Variants in NKAIN3 observed in about 807,000 individuals in gnomAD.
NKAIN3 encodes the protein sodium/potassium transporting ATPase interacting 3.
A neutral mutation model predicts 30.2 loss-of-function variants in NKAIN3; 25 were observed. That is an observed-to-expected ratio of 0.83 (90% CI 0.60 to 1.16). NKAIN3 has a LOEUF of 1.16. Ranked by LOEUF, NKAIN3 falls within the 50% of genes most tolerant of loss-of-function variation. NKAIN3 has a pLI of 0.00. For synonymous variants in NKAIN3, 91 were observed against 89.6 expected (o/e 1.02, Z -0.09); for missense variants, 225 against 254.1 (o/e 0.89, Z 0.78).
intron 3 of NKAIN3, among the ~76,000 whole-genome samples, chr8:62,709,890 G>T (rs1232065857): frequency 6.6e-6 from 1 of 151,982 alleles, no homozygotes; most frequent in Admixed American, 6.6e-5. Context: ...CACCGCCTTT[G>T]CTGTATTCCA....
intron 3 of NKAIN3, among the ~76,000 whole-genome samples, chr8:62,669,737 G>A (rs1029441802): frequency 1.3e-5 from 2 of 152,068 alleles, no homozygotes; most frequent in African/African-American, 4.8e-5. Flanking sequence ...GGCATGGTGA[G>A]GGCTGTGTTG....
chr8:62,863,958 T>C, intron 4 of NKAIN3: 2 of 860,326 alleles, frequency 2.3e-6, no homozygotes, highest in South Asian at 2.7e-5. Context: ...GCGGTGGTGG[T>C]GGTGGAGGTG....
At chr8:62,790,701 A>C (rs1328300703) in intron 4 of NKAIN3, among the ~76,000 whole-genome samples, 1 of 145,218 alleles carries the variant, frequency 6.9e-6, no homozygotes, top group African/African-American at 2.6e-5. Flanking sequence ...GGGGATACAC[A>C]GAAAACAAAA....
chr8:62,989,962 T>C (rs1397297318), intron 5 of NKAIN3, among the ~76,000 whole-genome samples: 1 of 152,152 alleles, frequency 6.6e-6, no homozygotes, highest in Non-Finnish European at 1.5e-5. Flanking sequence ...GCCATAAGGT[T>C]ATCATTCCCT....
At chr8:62,833,223 C>A (rs566253998) in intron 4 of NKAIN3, among the ~76,000 whole-genome samples, 1 of 151,952 alleles carries the variant, frequency 6.6e-6, no homozygotes, top group African/African-American at 2.4e-5. Context: ...GTGCAAAAAA[C>A]CTACATCAAG....
At chr8:62,569,095 T>C (rs1809844694) in intron 1 of NKAIN3, among the ~76,000 whole-genome samples, 1 of 152,108 alleles carries the variant, frequency 6.6e-6, no homozygotes, top group African/African-American at 2.4e-5. Flanking sequence ...GCATTACAAA[T>C]ATAGAATTCC....
intron 1 of NKAIN3, among the ~76,000 whole-genome samples, chr8:62,332,937 C>T (rs998916375): frequency 1.3e-5 from 2 of 152,100 alleles, no homozygotes; most frequent in South Asian, 2.1e-4. Flanking sequence ...GAGGTTGCGG[C>T]GACAGTGAGT....
intron 5 of NKAIN3, among the ~76,000 whole-genome samples, chr8:62,923,693 C>T (rs193095500): frequency 2.3e-3 from 344 of 152,218 alleles, no homozygotes; most frequent in Non-Finnish European, 3.7e-3. Context: ...CAGAGTAAGG[C>T]AGGCATTTAG....
chr8:62,838,329 TAC>T (rs1173916914), intron 4 of NKAIN3, among the ~76,000 whole-genome samples: 2 of 151,672 alleles, frequency 1.3e-5, no homozygotes, highest in Admixed American at 6.6e-5. Context: ...CATATATATA[TAC>T]ACACACACAT....
At chr8:62,513,881 A>C (rs966943055) in intron 1 of NKAIN3, among the ~76,000 whole-genome samples, 10 of 149,084 alleles carry the variant, frequency 6.7e-5, no homozygotes, top group Non-Finnish European at 1.3e-4. Flanking sequence ...AAAAAAAAAA[A>C]AAAAGCATAA....
chr8:62,663,555 A>C (rs559981415), intron 3 of NKAIN3, among the ~76,000 whole-genome samples: 1 of 152,152 alleles, frequency 6.6e-6, no homozygotes, highest in Non-Finnish European at 1.5e-5. Context: ...ATTATGAGAC[A>C]ATCTACTACA....
At chr8:62,646,545 TG>T (rs1200718495) in intron 3 of NKAIN3, among the ~76,000 whole-genome samples, 1 of 152,204 alleles carries the variant, frequency 6.6e-6, no homozygotes, top group Admixed American at 6.5e-5. Context: ...TTAATTCTTA[TG>T]TTTCTAATGT....
chr8:62,888,033 G>A (rs1185154008), intron 4 of NKAIN3, among the ~76,000 whole-genome samples: 1 of 152,168 alleles, frequency 6.6e-6, no homozygotes. Flanking sequence ...GGTGTAGGGG[G>A]AAGTGATGCA....
intron 1 of NKAIN3, among the ~76,000 whole-genome samples, chr8:62,358,278 G>A (rs894393495): frequency 1.6e-5 from 2 of 126,410 alleles, no homozygotes; most frequent in Non-Finnish European, 1.6e-5. Flanking sequence ...AAGATCCAAA[G>A]TTAGTAGTTT....
intron 1 of NKAIN3, among the ~76,000 whole-genome samples, chr8:62,374,238 G>A (rs1482773012): frequency 2.0e-5 from 3 of 152,002 alleles, no homozygotes; most frequent in Non-Finnish European, 4.4e-5. Flanking sequence ...AAGGTTTTTA[G>A]TGGCTGTCTC....
Position 62,261,946 on chromosome 8 carries a change from T to A in NKAIN3, c.54+12819T>A, listed in dbSNP as rs1812455910. 3.9e-5 allele frequency among the ~76,000 whole-genome samples: 6 copies of A among 152,256 alleles called. No individual in the cohort carries two copies. The South Asian group carries it at 1.2e-3, about 32-fold the overall frequency. ...TGAAATTATATGTTATGCTATTGCT[T>A]AAAGCATGAGAAATGTAGAAATGCA... On this transcript the variant is annotated intron_variant, in intron 1 of 6. Transcript: ENST00000623646.
chr8:62,339,800 G>A (rs1418696016), intron 1 of NKAIN3, among the ~76,000 whole-genome samples: 2 of 151,942 alleles, frequency 1.3e-5, no homozygotes, highest in African/African-American at 4.8e-5. Flanking sequence ...CTAAAGAAAG[G>A]ATTTTATAAT....
chr8:62,594,598 G>T (rs986692155), intron 3 of NKAIN3, among the ~76,000 whole-genome samples: 1 of 151,980 alleles, frequency 6.6e-6, no homozygotes, highest in South Asian at 2.1e-4. Context: ...TCTCTGTCCT[G>T]CAGATGAGAA....
chr8:62,548,204 T>G (rs1426761017), intron 1 of NKAIN3, among the ~76,000 whole-genome samples: 1 of 152,188 alleles, frequency 6.6e-6, no homozygotes. Context: ...GAAAATACCT[T>G]CATTCCTCAC....
Sources: gnomAD v4.1 joint callset for allele counts (sites outside exome capture counted in the v4.1 genomes callset) on GRCh38, gnomAD v4.1.1 for gene constraint, MANE v1.5 for transcripts, NCBI Gene and HGNC (gene_info 2026-07-23, HGNC 2026-07-21) for gene names.